CAPN3: variants seen among roughly 807,000 people sequenced by gnomAD.
CAPN3 encodes calpain 3, also known as calpain-3.
Under a neutral mutation model 114.0 loss-of-function variants are expected in CAPN3, and 88 were observed. That is an observed-to-expected ratio of 0.77 (90% confidence interval 0.65 to 0.92). The LOEUF (loss-of-function observed/expected upper bound fraction) is 0.92. CAPN3 is among the 40% of genes least tolerant of loss of function. CAPN3 has a pLI of 0.00. For synonymous variants in CAPN3, 386 were observed against 382.9 expected (o/e 1.01, Z -0.09); for missense variants, 1,028 against 1,069.0 (o/e 0.96, Z 0.53).
intron 1 of CAPN3, among the ~76,000 whole-genome samples, chr15:42,373,201 A>G (rs963642192): frequency 4.6e-5 from 7 of 152,230 alleles, no homozygotes; most frequent in Admixed American, 4.6e-4. Flanking sequence ...TCAAAAATAA[A>G]TAAATAAATA....
chr15:42,395,136 T>C (rs1438809408), intron 8 of CAPN3, among the ~76,000 whole-genome samples: 3 of 152,138 alleles, frequency 2.0e-5, no homozygotes, highest in Admixed American at 6.5e-5. Context: ...CAGTCATTCG[T>C]TTAGCAAATG....
chr15:42,411,278 C>T lies in CAPN3; in HGVS notation c.2381-9C>T. 1 of 1,613,280 alleles carries T rather than the reference C, an allele frequency of 6.2e-7. No individual in the cohort carries two copies. Among genetic ancestry groups the T allele is most frequent in the Non-Finnish European group, 8.5e-7 (1 of 1,179,202 alleles). ...GTAACTGGCCTCTGGCCTGTGCATT[C>T]TTTCACAGGAGCTTTTCATGCATTT... On this transcript the variant is annotated splice_polypyrimidine_tract_variant and intron_variant, in intron 22 of 23. Transcript: ENST00000397163.
rs370809015 is a variant in CAPN3, at chr15:42,403,763, G to C, written c.1768G>C (p.Val590Leu). 1 of 1,613,952 alleles carries C rather than the reference G, an allele frequency of 6.2e-7. No homozygotes were observed. The highest frequency in any genetic ancestry group is 1.3e-5 in the African/African-American group (1 of 74,910). ...LSEEVENTIS[V>L]DRPVKKKKTK... The stretch of plus-strand genomic sequence containing the variant: ...CAGGGAAGTTGAAAATACCATCTCC[G>C]TGGATCGGCCAGTGGTGAGTGGTTT... Residue 590 changes from valine to leucine, a missense_variant, in exon 14 of 24, where the codon GTG (valine) becomes CTG (leucine). Coordinates refer to ENST00000397163, the MANE Select transcript of CAPN3 (RefSeq NM_000070.3).
intron 8 of CAPN3, among the ~76,000 whole-genome samples, chr15:42,395,356 A>G (rs7168121): frequency 0.14 from 21,107 of 151,958 alleles, 3,629 homozygotes; most frequent in African/African-American, 0.41. Flanking sequence ...TAGGCTACCC[A>G]CCTGGGGATG....
At chr15:42,409,722 C>T in intron 17 of CAPN3, 65 bp from the exon 18 acceptor site, 1 of 1,431,820 alleles carries the variant, frequency 7.0e-7, no homozygotes, top group African/African-American at 1.4e-5. Context: ...ATTTGTTTTG[C>T]AAAGTGTCCG....
chr15:42,379,227 G>A (rs893505587), intron 1 of CAPN3, among the ~76,000 whole-genome samples: 3 of 151,970 alleles, frequency 2.0e-5, no homozygotes, highest in East Asian at 1.9e-4. Flanking sequence ...CAGGAAAATC[G>A]CTTGAACCGG....
intron 1 of CAPN3, among the ~76,000 whole-genome samples, chr15:42,373,360 G>T (rs2053005173): frequency 6.6e-6 from 1 of 152,170 alleles, no homozygotes; most frequent in Non-Finnish European, 1.5e-5. Flanking sequence ...AGATGATTCT[G>T]ATGCATGAAG....
intron 13 of CAPN3, 88 bp downstream of exon 13, chr15:42,403,090 C>A: frequency 2.8e-6 from 3 of 1,065,124 alleles, no homozygotes; most frequent in South Asian, 1.3e-5. Flanking sequence ...CTAGACACGT[C>A]TCCTCCAGGG....
At chr15:42,390,146 A>G (rs1394021643) in intron 6 of CAPN3, 50 bp downstream of exon 6, 3 of 1,607,134 alleles carry the variant, frequency 1.9e-6, no homozygotes, top group Non-Finnish European at 2.6e-6. Flanking sequence ...AACCCACATG[A>G]CCCCGCCCTA....
At chr15:42,361,921 T>C (rs1347153101) in intron 1 of CAPN3, among the ~76,000 whole-genome samples, 1 of 152,250 alleles carries the variant, frequency 6.6e-6, no homozygotes, top group Non-Finnish European at 1.5e-5. Context: ...CAGGTGTCAC[T>C]TCCTTCAATC....
At chr15:42,379,194 C>A (rs1234467977) in intron 1 of CAPN3, among the ~76,000 whole-genome samples, 1 of 152,082 alleles carries the variant, frequency 6.6e-6, no homozygotes, top group African/African-American at 2.4e-5. Context: ...CATCTGTAAT[C>A]CCAGCTACTC....
Position 42,410,931 on chromosome 15 carries a change from GCAGA to G in CAPN3, c.2314_2317del (p.Asp772AsnfsTer3), listed in dbSNP as rs764086484. 5.0e-6 allele frequency: 8 copies of G among 1,614,028 alleles called. No individual in the cohort carries two copies. The highest frequency in any genetic ancestry group is 5.1e-6 in the Non-Finnish European group (6 of 1,179,990). ...CTATGACATCATTACCATGCGGTAC[GCAGA>G]CAAACACATGAACATCGACTTTGAC... On this transcript the variant is annotated frameshift_variant, in exon 22 of 24. Transcript: ENST00000397163. LOFTEE classifies it high-confidence loss of function.
intron 1 of CAPN3, among the ~76,000 whole-genome samples, chr15:42,363,664 C>A (rs2052707000): frequency 6.6e-6 from 1 of 152,202 alleles, no homozygotes; most frequent in South Asian, 2.1e-4. Flanking sequence ...CCTGGGCCAC[C>A]TGGTAATGTG....
intron 2 of CAPN3, chr15:42,385,735 G>A (rs1400342836): frequency 3.8e-6 from 2 of 521,768 alleles, no homozygotes; most frequent in African/African-American, 3.8e-5. Context: ...TCATCTTGGT[G>A]GATGGTTCTC....
At chr15:42,361,920 C>G (rs1302110078) in intron 1 of CAPN3, among the ~76,000 whole-genome samples, 2 of 152,238 alleles carry the variant, frequency 1.3e-5, no homozygotes, top group Non-Finnish European at 1.5e-5. Flanking sequence ...TCAGGTGTCA[C>G]TTCCTTCAAT....
intron 1 of CAPN3, among the ~76,000 whole-genome samples, chr15:42,366,554 A>G (rs1323714408): frequency 6.6e-6 from 1 of 152,218 alleles, no homozygotes; most frequent in East Asian, 1.9e-4. Flanking sequence ...TGGCAGAAAC[A>G]TCTTCTCTCT....
At chr15:42,361,990 G>T (rs1018435709) in intron 1 of CAPN3, among the ~76,000 whole-genome samples, 3 of 152,140 alleles carry the variant, frequency 2.0e-5, no homozygotes, top group Non-Finnish European at 4.4e-5. Flanking sequence ...CATCTTTGAG[G>T]CCCCCTCACC....
intron 1 of CAPN3, among the ~76,000 whole-genome samples, chr15:42,369,581 A>G (rs1039923854): frequency 6.6e-6 from 1 of 151,954 alleles, no homozygotes; most frequent in African/African-American, 2.4e-5. Flanking sequence ...CTTCTTTTTC[A>G]TGTTCAAATT....
intron 1 of CAPN3, among the ~76,000 whole-genome samples, chr15:42,364,264 G>C (rs910413243): frequency 7.2e-5 from 11 of 152,192 alleles, no homozygotes; most frequent in African/African-American, 1.7e-4. Context: ...TTTTGCCACA[G>C]GTTCTCCATG....
Sources: allele counts gnomAD v4.1 joint callset (sites outside exome capture counted in the v4.1 genomes callset), GRCh38; gene constraint gnomAD v4.1.1; transcripts MANE v1.5; gene names NCBI Gene and HGNC (gene_info 2026-07-23, HGNC 2026-07-21).